The following SLC39A12 variants were observed in gnomAD, a reference collection of about 807,000 sequenced individuals.
SLC39A12 encodes zinc transporter ZIP12.
SLC39A12 carries 63 observed loss-of-function variants against 71.1 expected under a neutral mutation model. The ratio of observed to expected loss-of-function variants is 0.89; its 90% CI spans 0.72 to 1.09. SLC39A12 has a LOEUF of 1.09. SLC39A12 is among the 50% of genes least tolerant of loss of function. The pLI is 0.00. For synonymous variants in SLC39A12, 351 were observed against 301.3 expected (o/e 1.16, Z -1.71); for missense variants, 892 against 812.6 (o/e 1.10, Z -1.19).
Position 18,000,720 on chromosome 10 carries a change from A to ATGGGGACAGCCTGC in SLC39A12, c.1654_1655insTGGGGACAGCCTGC (p.Asn552MetfsTer11). On this transcript the variant is annotated frameshift_variant, in exon 11 of 13. Transcript: ENST00000377369. LOFTEE classifies it high-confidence loss of function. ...GATTCTGGTTGGGGACAGCCTGCATAATTTTGCAGATGGCCTAGCCATAGG... is the reference window on the plus strand; with the variant it reads ...GATTCTGGTTGGGGACAGCCTGCATATGGGGACAGCCTGCATTTTGCAGATGGCCTAGCCATAGG... 6.2e-7 allele frequency: 1 copy of ATGGGGACAGCCTGC among 1,614,158 alleles called. No homozygotes were observed. Among genetic ancestry groups the ATGGGGACAGCCTGC allele is most frequent in the Non-Finnish European group, 8.5e-7 (1 of 1,180,014 alleles).
At chr10:17,984,952 T>C (rs1835363086) in intron 6 of SLC39A12, among the ~76,000 whole-genome samples, 1 of 152,212 alleles carries the variant, frequency 6.6e-6, no homozygotes, top group African/African-American at 2.4e-5. Context: ...TACTGCCAAC[T>C]CTATTTTAAT....
intron 12 of SLC39A12, among the ~76,000 whole-genome samples, chr10:18,028,653 T>C (rs1756105944): frequency 6.6e-6 from 1 of 152,248 alleles, no homozygotes; most frequent in South Asian, 2.1e-4. Context: ...ATGAGTATTT[T>C]ATTTTAAAGC....
chr10:18,004,062 G>A (rs1835931401), intron 12 of SLC39A12, among the ~76,000 whole-genome samples: 1 of 152,102 alleles, frequency 6.6e-6, no homozygotes, highest in Non-Finnish European at 1.5e-5. Context: ...TGTATAACCT[G>A]ATGAGGGAAT....
chr10:18,012,606 C>T (rs12356294), intron 12 of SLC39A12, among the ~76,000 whole-genome samples: 14,690 of 152,082 alleles, frequency 0.097, 1,079 homozygotes, highest in East Asian at 0.21. Flanking sequence ...CGGTGGCTCG[C>T]GCCTGTAATC....
intron 3 of SLC39A12, among the ~76,000 whole-genome samples, chr10:17,965,257 C>T (rs1304481903): frequency 6.6e-6 from 1 of 151,706 alleles, no homozygotes; most frequent in Non-Finnish European, 1.5e-5. Context: ...AAATAAGGAC[C>T]AGTGAGATGA....
In SLC39A12 at chr10:17,987,595, G is replaced by A. The variant is rs1426645519; in HGVS notation, c.1213G>A (p.Val405Met). ...ENYRLILQLFVGLAVGTLSGD... is the reference protein window; with the variant it reads ...ENYRLILQLFMGLAVGTLSGD... ...CTACAGGCTTATCTTACAGCTGTTT[G>A]TGGGCTTGGCCGTCGGGACACTGTC... Residue 405 changes from valine (V) to methionine (M), a missense_variant, in exon 7 of 13, where the codon GTG (valine) becomes ATG (methionine). Transcript: ENST00000377369. 3 of 1,614,168 alleles carry A rather than the reference G, an allele frequency of 1.9e-6. No homozygotes were observed. The highest frequency in any genetic ancestry group is 2.5e-6 in the Non-Finnish European group (3 of 1,180,042).
At chr10:17,958,298 G>A (rs1040858364) in intron 2 of SLC39A12, among the ~76,000 whole-genome samples, 7 of 152,128 alleles carry the variant, frequency 4.6e-5, no homozygotes, top group Admixed American at 3.3e-4. Context: ...CCCCATGAGC[G>A]TCCTACTCCT....
At chr10:17,977,095 T>C (rs955867183) in intron 4 of SLC39A12, among the ~76,000 whole-genome samples, 2 of 152,178 alleles carry the variant, frequency 1.3e-5, no homozygotes, top group Admixed American at 6.5e-5. Flanking sequence ...TAGTGAACTT[T>C]TTGTTTCACT....
At chr10:18,011,695 AAGG>A (rs1322720850) in intron 12 of SLC39A12, among the ~76,000 whole-genome samples, 1 of 152,206 alleles carries the variant, frequency 6.6e-6, no homozygotes, top group Non-Finnish European at 1.5e-5. Flanking sequence ...TAAGGAAAAA[AAGG>A]AGAAGAGAAT....
intron 4 of SLC39A12, among the ~76,000 whole-genome samples, chr10:17,967,900 TATA>T (rs1564640962): frequency 0.021 from 2,038 of 97,846 alleles, 49 homozygotes; most frequent in African/African-American, 0.071. Flanking sequence ...AAAAAAAAAA[TATA>T]TATATATATA....
At position 17,953,209 on chromosome 10, in the gene SLC39A12, GT is replaced by G; in HGVS notation, c.-65del. Reference sequence around the variant, plus strand: ...ACCACAGAAATTCCTTTGGTTACAAGTTTACCCCATAAACGGCAACACACTC... The same window carrying G: ...ACCACAGAAATTCCTTTGGTTACAAGTTACCCCATAAACGGCAACACACTC... On this transcript the variant is annotated 5_prime_UTR_variant, in exon 2 of 13. Coordinates refer to ENST00000377369, the MANE Select transcript of SLC39A12 (RefSeq NM_001145195.2). The G allele has an allele frequency of 1.9e-6, 3 of 1,546,874 alleles. No individual in the cohort carries two copies. The highest frequency in any genetic ancestry group is 2.6e-6 in the Non-Finnish European group (3 of 1,146,464).
chr10:18,035,697 G>A (rs1227345013), intron 12 of SLC39A12, among the ~76,000 whole-genome samples: 1 of 152,252 alleles, frequency 6.6e-6, no homozygotes, highest in Non-Finnish European at 1.5e-5. Flanking sequence ...GTGAGGAACT[G>A]CGTTCCGCTG....
intron 12 of SLC39A12, among the ~76,000 whole-genome samples, chr10:18,011,684 CT>C (rs1241260321): frequency 6.6e-6 from 1 of 151,936 alleles, no homozygotes; most frequent in Non-Finnish European, 1.5e-5. Flanking sequence ...ATCACTTCCC[CT>C]AAGGAAAAAA....
intron 6 of SLC39A12, among the ~76,000 whole-genome samples, chr10:17,982,706 C>T (rs941415453): frequency 2.2e-5 from 3 of 139,078 alleles, no homozygotes; most frequent in Non-Finnish European, 3.2e-5. Flanking sequence ...AGCACTGTGG[C>T]ACCTAGGAGC....
At chr10:18,009,299 A>AGCTGATG (rs1209413303) in intron 12 of SLC39A12, among the ~76,000 whole-genome samples, 3 of 152,130 alleles carry the variant, frequency 2.0e-5, no homozygotes, top group Non-Finnish European at 4.4e-5. Flanking sequence ...ATAGAACCCA[A>AGCTGATG]GCTGATGGAG....
At chr10:17,996,802 C>A (rs927991177) in intron 10 of SLC39A12, among the ~76,000 whole-genome samples, 2 of 151,934 alleles carry the variant, frequency 1.3e-5, no homozygotes, top group Non-Finnish European at 2.9e-5. Flanking sequence ...TCGAGACCAT[C>A]CTGGCTAATA....
chr10:17,966,494 A>G lies in SLC39A12; in HGVS notation c.751+804A>G, dbSNP rs566031612. Among the ~76,000 whole-genome samples the G allele has an allele frequency of 1.4e-4, 21 of 151,946 alleles. No individual in the cohort carries two copies. In the South Asian group the frequency reaches 3.5e-3, roughly 26 times the overall value. On this transcript the variant is annotated intron_variant, in intron 4 of 12. Transcript: ENST00000377369. ...CCCAGCTAATTTTCTTATTTTTTGT[A>G]GAGATAGGGGTCTCACTATGTTGCC... is the stretch of plus-strand genomic sequence containing the variant.
chr10:18,009,432 G>T (rs1464674659), intron 12 of SLC39A12, among the ~76,000 whole-genome samples: 1 of 152,102 alleles, frequency 6.6e-6, no homozygotes, highest in African/African-American at 2.4e-5. Flanking sequence ...AATTGGAATA[G>T]GGGAAATATC....
chr10:18,028,332 TTTC>T (rs1836736780), intron 12 of SLC39A12, among the ~76,000 whole-genome samples: 1 of 152,240 alleles, frequency 6.6e-6, no homozygotes, highest in South Asian at 2.1e-4. Context: ...GAGGCTGATC[TTTC>T]TTCTTCAGTG....
Sources: allele counts gnomAD v4.1 joint callset (sites outside exome capture counted in the v4.1 genomes callset), GRCh38; gene constraint gnomAD v4.1.1; transcripts MANE v1.5; gene names NCBI Gene and HGNC (gene_info 2026-07-23, HGNC 2026-07-21).